The following SUMF1 variants were observed in gnomAD, a reference collection of about 807,000 sequenced individuals.
SUMF1 encodes the protein sulfatase modifying factor 1, also known as formylglycine-generating enzyme.
In SUMF1, 48 loss-of-function variants were observed where a neutral mutation model predicts 47.6. The ratio of observed to expected loss-of-function variants is 1.01; its 90% confidence interval spans 0.80 to 1.28. The LOEUF (loss-of-function observed/expected upper bound fraction) is 1.28, where lower values mean the gene tolerates loss of function less well. SUMF1 is among the 50% of genes most tolerant of loss of function. The pLI is 0.00. For missense variants in SUMF1, 571 were observed against 485.4 expected (o/e 1.18, Z -1.66); for synonymous variants, 230 against 192.1 (o/e 1.20, Z -1.63).
chr3:4,236,351 C>T (rs146361039), intron 8 of SUMF1, among the ~76,000 whole-genome samples: 9 of 152,146 alleles, frequency 5.9e-5, no homozygotes, highest in Admixed American at 4.6e-4. Flanking sequence ...GAGATATAAG[C>T]ACCTTACAAC....
intron 8 of SUMF1, among the ~76,000 whole-genome samples, chr3:4,297,729 G>A (rs1396338167): frequency 1.3e-5 from 2 of 152,034 alleles, no homozygotes; most frequent in South Asian, 4.2e-4. Context: ...TTATTAGAAG[G>A]CTAAGATGTT....
chr3:4,218,538 C>A (rs1695990163), intron 8 of SUMF1, among the ~76,000 whole-genome samples: 1 of 152,058 alleles, frequency 6.6e-6, no homozygotes, highest in African/African-American at 2.4e-5. Flanking sequence ...TTTGGCTCAT[C>A]AAGAAGTCAC....
chr3:4,330,887 A>T (rs794203), intron 8 of SUMF1, among the ~76,000 whole-genome samples: 10,508 of 152,230 alleles, frequency 0.069, 567 homozygotes, highest in South Asian at 0.31. Context: ...AGATTTCCAT[A>T]AGTCTTTTTA....
At chr3:4,433,146 G>C (rs1339049168) in intron 3 of SUMF1, among the ~76,000 whole-genome samples, 1 of 152,150 alleles carries the variant, frequency 6.6e-6, no homozygotes, top group East Asian at 1.9e-4. Flanking sequence ...GTTTACCTTT[G>C]TTTTCCCACA....
intron 8 of SUMF1, among the ~76,000 whole-genome samples, chr3:4,133,968 A>G (rs1383104062): frequency 2.6e-5 from 4 of 152,036 alleles, no homozygotes; most frequent in African/African-American, 9.7e-5. Context: ...TCAGCTCCTA[A>G]ATTCCAATGA....
intron 8 of SUMF1, among the ~76,000 whole-genome samples, chr3:4,319,647 TGG>T (rs1559223729): frequency 1.3e-5 from 2 of 152,234 alleles, no homozygotes; most frequent in Non-Finnish European, 2.9e-5. Context: ...ATGGGACAGT[TGG>T]AACAGTTTCA....
chr3:4,108,910 T>C (rs1693222558), intron 8 of SUMF1, among the ~76,000 whole-genome samples: 1 of 152,034 alleles, frequency 6.6e-6, no homozygotes, highest in Admixed American at 6.6e-5. Context: ...AATTGGAGCA[T>C]TTAGCCCATT....
chr3:4,289,891 A>G (rs1046227282), intron 8 of SUMF1, among the ~76,000 whole-genome samples: 2 of 152,246 alleles, frequency 1.3e-5, no homozygotes, highest in Admixed American at 6.5e-5. Context: ...TGACTCTAGC[A>G]TCAAATAAAT....
intron 7 of SUMF1, among the ~76,000 whole-genome samples, chr3:4,376,701 C>A (rs1292012302): frequency 2.6e-5 from 4 of 152,232 alleles, no homozygotes; most frequent in African/African-American, 9.7e-5. Flanking sequence ...TGCTTGGCTG[C>A]ACCTCTTACC....
intron 8 of SUMF1, among the ~76,000 whole-genome samples, chr3:4,285,862 G>A (rs1287515107): frequency 6.6e-6 from 1 of 151,988 alleles, no homozygotes; most frequent in Non-Finnish European, 1.5e-5. Context: ...TAATAGCAAT[G>A]CAATAAGCAA....
rs1384610334 is a variant in SUMF1 at position 4,264,520 on chromosome 3, G to A, written c.1014+111810C>T. Among the ~76,000 whole-genome samples the A allele has an allele frequency of 6.6e-5, 10 of 151,822 alleles. No individual in the cohort carries two copies. In the East Asian group the frequency reaches 1.2e-3, roughly 18 times the overall value. Reference sequence around the variant, plus strand: ...ATCAGAACACTTTTTTTTTATACACGACAAACAGCAGGGAAAGGCACACAT... The same window carrying A: ...ATCAGAACACTTTTTTTTTATACACAACAAACAGCAGGGAAAGGCACACAT... On this transcript the variant is annotated intron_variant and NMD_transcript_variant, in intron 8 of 12. Coordinates refer to the SUMF1 transcript ENST00000448413.
intron 7 of SUMF1, among the ~76,000 whole-genome samples, chr3:4,400,111 C>A (rs938608156): frequency 6.6e-6 from 1 of 152,116 alleles, no homozygotes; most frequent in African/African-American, 2.4e-5. Context: ...CCTCAAGCAA[C>A]CGACCCAAAC....
rs200965506 is a variant in SUMF1 at position 4,240,857 on chromosome 3, T to A, written c.1014+135473A>T. ...TATTCATTTTATAATCAGAAAAAAA[T>A]TAAGATTTTTTTCCTACGGAACTGA... On this transcript the variant is annotated intron_variant and NMD_transcript_variant, in intron 8 of 12. Transcript: ENST00000448413. Among the ~76,000 whole-genome samples, 34 of 151,942 alleles carry A rather than the reference T, an allele frequency of 2.2e-4. No individual in the cohort carries two copies. In the East Asian group the frequency reaches 5.6e-3, roughly 25 times the overall value.
At chr3:4,396,775 G>A (rs1471810067) in intron 7 of SUMF1, among the ~76,000 whole-genome samples, 1 of 152,194 alleles carries the variant, frequency 6.6e-6, no homozygotes, top group African/African-American at 2.4e-5. Flanking sequence ...CCCACTGAGA[G>A]ACAGGAAGGA....
intron 8 of SUMF1, among the ~76,000 whole-genome samples, chr3:4,229,836 A>T (rs1278775677): frequency 6.6e-6 from 1 of 152,008 alleles, no homozygotes; most frequent in Non-Finnish European, 1.5e-5. Context: ...CAACATAGCA[A>T]GACCCTATCT....
intron 8 of SUMF1, among the ~76,000 whole-genome samples, chr3:4,093,281 C>A (rs73806899): frequency 6.6e-6 from 1 of 152,010 alleles, no homozygotes; most frequent in Admixed American, 6.5e-5. Flanking sequence ...TATCAACTAA[C>A]ATTTGTAGAT....
chr3:4,362,018 T>C lies in SUMF1; in HGVS notation c.*126A>G, dbSNP rs774091636. 14 of 882,354 alleles carry C rather than the reference T, an allele frequency of 1.6e-5. No homozygotes were observed. The East Asian group carries it at 1.9e-4, about 12-fold the overall frequency. The allele number at this position is 882,354 out of a possible 1,614,324, so 54.7% of individuals were successfully genotyped here. A position where few individuals can be genotyped will look rare whatever the true frequency, so the allele number is the denominator to read the frequency against. ...TCTCACAAGGCGGTTCCTTTGGCCATTGGGCAGGTATGTAACCCACCTCAG... is the reference window on the plus strand; with the variant it reads ...TCTCACAAGGCGGTTCCTTTGGCCACTGGGCAGGTATGTAACCCACCTCAG... On this transcript the variant is annotated 3_prime_UTR_variant, in exon 9 of 9. Transcript: ENST00000272902.
chr3:4,224,335 G>C (rs13089441), intron 8 of SUMF1, among the ~76,000 whole-genome samples: 56,657 of 151,914 alleles, frequency 0.37, 11,148 homozygotes, highest in Non-Finnish European at 0.44. Flanking sequence ...CCGTGACAAG[G>C]TGTGTAATGA....
intron 8 of SUMF1, among the ~76,000 whole-genome samples, chr3:4,249,784 C>T (rs189256160): frequency 8.7e-4 from 133 of 152,278 alleles, no homozygotes; most frequent in East Asian, 5.8e-4. Flanking sequence ...AGGCTGAAAG[C>T]TAGGCCTCTT....
Sources: gnomAD v4.1 joint callset for allele counts (sites outside exome capture counted in the v4.1 genomes callset) on GRCh38, gnomAD v4.1.1 for gene constraint, MANE v1.5 for transcripts, NCBI Gene and HGNC (gene_info 2026-07-23, HGNC 2026-07-21) for gene names.